The following DGKZ variants were observed in gnomAD, a reference collection of about 807,000 sequenced individuals.
DGKZ encodes DAG kinase zeta.
A neutral mutation model predicts 142.5 loss-of-function variants in DGKZ; 45 were observed. The observed-to-expected ratio is 0.32, with a 90% CI of 0.25 to 0.40. The LOEUF (loss-of-function observed/expected upper bound fraction) is 0.40. Among genes scored for constraint, DGKZ ranks in the 10% least tolerant of loss-of-function variants. The pLI, the probability that DGKZ is intolerant of heterozygous loss-of-function variation, is 1.00. For synonymous variants in DGKZ, 442 were observed against 527.0 expected, an observed-to-expected ratio of 0.84 and a Z score of 2.21; for missense variants, 755 against 1,306.5, an observed-to-expected ratio of 0.58 and a Z score of 6.51.
chr11:46,333,069 C>G, exon 1 of DGKZ: 1 of 385,920 alleles, frequency 2.6e-6, no homozygotes, highest in Admixed American at 4.7e-5. Flanking sequence ...CCCCGGAGCG[C>G]AGGAGGACCC....
At chr11:46,373,285 G>GTTTTTTTTTTTTTTT (rs961769830) in intron 14 of DGKZ, among the ~76,000 whole-genome samples, 184 bp downstream of exon 14, 10 of 115,358 alleles carry the variant, frequency 8.7e-5, no homozygotes, top group Admixed American at 1.7e-4. Context: ...TTTTTTTTTT[G>GTTTTTTTTTTTTTTT]TTTTTTTTTT....
At position 46,337,792 on chromosome 11, in the gene DGKZ, A is replaced by G. The variant is rs1417311482; in HGVS notation, c.212+4305A>G. On this transcript the variant is annotated intron_variant, in intron 1 of 30. Coordinates refer to the DGKZ transcript ENST00000343674. Reference sequence around the variant, plus strand: ...GGCAGGAAACAAACAAACAAAAAAAAAAATGGAGGGAGGGGGTGTCCAATG... The same window carrying G: ...GGCAGGAAACAAACAAACAAAAAAAGAAATGGAGGGAGGGGGTGTCCAATG... Among the ~76,000 whole-genome samples the G allele has an allele frequency of 4.6e-5, 7 of 152,254 alleles. 1 individual carries two copies. Among genetic ancestry groups the G allele is most frequent in the African/African-American group, 1.7e-4 (7 of 41,524 alleles).
chr11:46,369,836 G>A, intron 5 of DGKZ, 105 bp from the exon 6 acceptor site: 2 of 1,254,716 alleles, frequency 1.6e-6, no homozygotes, highest in East Asian at 2.4e-5. Context: ...GCGCAGGACT[G>A]CAGAGCGCTT....
intron 6 of DGKZ, 32 bp downstream of exon 6, chr11:46,370,041 T>G (rs970014392): frequency 6.2e-7 from 1 of 1,612,706 alleles, no homozygotes; most frequent in Non-Finnish European, 8.5e-7. Flanking sequence ...CATCGCCACC[T>G]GCACCTGCGG....
Position 46,372,710 on chromosome 11 carries a change from G to A in DGKZ, c.1071+33G>A. 1 of 1,612,358 alleles carries A rather than the reference G, an allele frequency of 6.2e-7. No individual in the cohort carries two copies. Among genetic ancestry groups the A allele is most frequent in the Non-Finnish European group, 8.5e-7 (1 of 1,179,414 alleles). On this transcript the variant is annotated intron_variant, in intron 12 of 30. Transcript: ENST00000527911. The surrounding 1 kb of genome is among the most constrained non-coding windows in gnomAD (Gnocchi z 5.9). ...CCCCGCATGGGCCAGCCGAGCACCAGGGCTGGGCCTGAAGCCGGGGTCCCT... is the reference window on the plus strand; with the variant it reads ...CCCCGCATGGGCCAGCCGAGCACCAAGGCTGGGCCTGAAGCCGGGGTCCCT...
chr11:46,344,416 C>A (rs1940433604), upstream of DGKZ, among the ~76,000 whole-genome samples: 1 of 150,960 alleles, frequency 6.6e-6, no homozygotes, highest in Non-Finnish European at 1.5e-5. Flanking sequence ...ACCTTCCTAT[C>A]TCTTCTTTAT....
At chr11:46,376,273 C>T (rs983652956) in intron 22 of DGKZ, 55 bp from the exon 23 acceptor site, 3 of 1,610,100 alleles carry the variant, frequency 1.9e-6, no homozygotes, top group Non-Finnish European at 1.7e-6. Context: ...CTCCAAGTTC[C>T]CTTCCCTCCC....
At chr11:46,337,032 G>T (rs567987895) in intron 1 of DGKZ, among the ~76,000 whole-genome samples, 21 of 152,216 alleles carry the variant, frequency 1.4e-4, no homozygotes, top group Admixed American at 7.9e-4. Context: ...AAAAAAAGTG[G>T]GGGGCAAGGC....
chr11:46,366,830 C>A (rs147421672), intron 1 of DGKZ: 29 of 1,545,620 alleles, frequency 1.9e-5, no homozygotes, highest in Non-Finnish European at 2.5e-5. Context: ...CCAGCGGCGG[C>A]CCTCAGGCCA....
intron 9 of DGKZ, 134 bp from the exon 10 acceptor site, chr11:46,371,941 C>G: frequency 1.6e-6 from 2 of 1,231,102 alleles, no homozygotes; most frequent in South Asian, 2.6e-5. Context: ...TGCTCTGTGG[C>G]CTGGTAAGAT....
exon 1 of DGKZ, chr11:46,333,060 C>T (rs918617325): frequency 8.0e-6 from 3 of 373,270 alleles, no homozygotes; most frequent in African/African-American, 4.2e-5. Flanking sequence ...CCCCCGCCCC[C>T]CCGGAGCGCA....
rs1265722659 is a variant in DGKZ, at chr11:46,380,014, A to G, written c.*67A>G. 5.6e-6 allele frequency: 8 copies of G among 1,440,400 alleles called. No individual in the cohort carries two copies. The African/African-American group carries it at 1.1e-4, about 20-fold the overall frequency. 89.2% of individuals were successfully genotyped at this position (1,440,400 alleles called of 1,614,324 possible). On this transcript the variant is annotated 3_prime_UTR_variant, in exon 31 of 31. Transcript: ENST00000527911. ...GACGAGCGCCTTCCTTGCCCACCTC[A>G]CTGCCACATTCCAGTGGGACGGCCA...
Position 46,367,550 on chromosome 11 carries a change from C to A in DGKZ, c.271-102C>A. 1 of 879,494 alleles carries A rather than the reference C, an allele frequency of 1.1e-6. No homozygotes were observed. The highest frequency in any genetic ancestry group is 1.5e-6 in the Non-Finnish European group (1 of 683,320). The allele number at this position is 879,494 out of a possible 1,614,324, so 54.5% of individuals were successfully genotyped here. A position where few individuals can be genotyped will look rare whatever the true frequency, so the allele number is the denominator to read the frequency against. ...CGGAACAGAGCAGGGTCGATCGGGG[C>A]GCTGGAGTGGGTTTGTCTTGGGAGA... is the stretch of plus-strand genomic sequence containing the variant. On this transcript the variant is annotated intron_variant, in intron 2 of 30. Coordinates refer to ENST00000527911, the Ensembl canonical transcript of DGKZ. The surrounding 1 kb of genome is among the most constrained non-coding windows in gnomAD (Gnocchi z 4.1).
intron 14 of DGKZ, among the ~76,000 whole-genome samples, chr11:46,373,455 TTTTG>T (rs776501055): frequency 1.3e-5 from 2 of 151,144 alleles, no homozygotes; most frequent in Non-Finnish European, 3.0e-5. Flanking sequence ...CCTGGCTAAT[TTTTG>T]TTTTTCTGTT....
intron 1 of DGKZ, among the ~76,000 whole-genome samples, chr11:46,348,448 T>C (rs763402866): frequency 1.3e-5 from 2 of 152,066 alleles, no homozygotes; most frequent in Non-Finnish European, 2.9e-5. Flanking sequence ...TTGCTCTTAA[T>C]TAGCAGAGAG....
At chr11:46,344,299 G>C (rs1940426940), upstream of DGKZ, among the ~76,000 whole-genome samples, 1 of 152,062 alleles carries the variant, frequency 6.6e-6, no homozygotes, top group African/African-American at 2.4e-5. Context: ...TCTAAGCTCT[G>C]TGAGGACAGA....
intron 4 of DGKZ, chr11:46,368,729 G>A (rs1369669615): frequency 1.7e-5 from 3 of 180,544 alleles, no homozygotes; most frequent in Non-Finnish European, 3.6e-5. Context: ...GCTGAAGTAG[G>A]GACAGTTATG....
intron 6 of DGKZ, among the ~76,000 whole-genome samples, chr11:46,370,249 A>G (rs1161823903): frequency 6.6e-6 from 1 of 152,202 alleles, no homozygotes; most frequent in African/African-American, 2.4e-5. Context: ...GCCTGCTTTG[A>G]AGCTGCAAGT....
At position 46,366,677 on chromosome 11, in the gene DGKZ, C is replaced by G. The variant is rs752886810; in HGVS notation, c.162-614C>G. The G allele has an allele frequency of 6.3e-7, 1 of 1,582,030 alleles. No homozygotes were observed. On this transcript the variant is annotated intron_variant, in intron 1 of 30. Transcript: ENST00000527911. ...CGCCATCCAGCCAGGCACCAAGACA[C>G]CAGGGCCACCCCCACCTCGGGGCGC...
Sources: allele counts gnomAD v4.1 joint callset (sites outside exome capture counted in the v4.1 genomes callset), GRCh38; gene constraint gnomAD v4.1.1; non-coding constraint Gnocchi (gnomAD v3.1); transcripts MANE v1.5; gene names NCBI Gene and HGNC (gene_info 2026-07-23, HGNC 2026-07-21).